Variants in SLIT2 observed in about 807,000 individuals in gnomAD.
The protein encoded by SLIT2 is slit guidance ligand 2.
Under a neutral mutation model 185.7 loss-of-function variants are expected in SLIT2, and 41 were observed. That is an observed-to-expected ratio of 0.22 (90% CI 0.17 to 0.29). SLIT2 has a LOEUF of 0.29. Among genes scored for constraint, SLIT2 ranks in the 10% least tolerant of loss-of-function variants. SLIT2 has a pLI of 1.00. For missense variants in SLIT2, 1,571 were observed against 1,909.0 expected, an observed-to-expected ratio of 0.82 and a Z score of 3.30; for synonymous variants, 693 against 680.2, an observed-to-expected ratio of 1.02 and a Z score of -0.29.
chr4:20,338,826 T>C (rs779362489), intron 4 of SLIT2, among the ~76,000 whole-genome samples: 5 of 152,104 alleles, frequency 3.3e-5, no homozygotes, highest in Non-Finnish European at 7.4e-5. Flanking sequence ...GAGTGGTTCA[T>C]GCCAGGAATC....
intron 8 of SLIT2, among the ~76,000 whole-genome samples, chr4:20,489,564 T>C (rs1287599206): frequency 2.7e-5 from 4 of 149,382 alleles, no homozygotes; most frequent in Non-Finnish European, 5.9e-5. Flanking sequence ...TGGGCAGATC[T>C]CCAGAGGTCA....
chr4:20,422,375 G>A (rs938439188), intron 4 of SLIT2, among the ~76,000 whole-genome samples: 1 of 152,072 alleles, frequency 6.6e-6, no homozygotes, highest in Non-Finnish European at 1.5e-5. Flanking sequence ...ATGTTAAAGT[G>A]AAAATTAGTG....
At chr4:20,413,316 A>G (rs1352675938) in intron 4 of SLIT2, among the ~76,000 whole-genome samples, 1 of 151,792 alleles carries the variant, frequency 6.6e-6, no homozygotes, top group African/African-American at 2.4e-5. Flanking sequence ...ATTTTATTTC[A>G]TTGTGTTAAA....
Position 20,336,056 on chromosome 4 carries a change from G to A in SLIT2, c.395+67175G>A, listed in dbSNP as rs1483022882. 2.0e-5 allele frequency among the ~76,000 whole-genome samples: 3 copies of A among 152,232 alleles called. No individual in the cohort carries two copies. The East Asian group carries it at 5.8e-4, about 29-fold the overall frequency. On this transcript the variant is annotated intron_variant, in intron 4 of 36. Transcript: ENST00000504154. ...AAACCTACCAAGTTATATTCCAGGT[G>A]TGTAGGGTGATACAGTGTAACTTTC...
intron 4 of SLIT2, among the ~76,000 whole-genome samples, chr4:20,349,067 G>A (rs1411094726): frequency 6.6e-6 from 1 of 152,140 alleles, no homozygotes; most frequent in Non-Finnish European, 1.5e-5. Context: ...TTCCCAAAGA[G>A]AAAGTGAAGA....
Position 20,391,235 on chromosome 4 carries a change from G to T in SLIT2, c.396-76517G>T, listed in dbSNP as rs150212521. Among the ~76,000 whole-genome samples the T allele has an allele frequency of 9.9e-4, 150 of 152,128 alleles. 1 individual carries two copies. The highest frequency in any genetic ancestry group is 3.3e-3 in the African/African-American group (139 of 41,530). On this transcript the variant is annotated intron_variant, in intron 4 of 36. Coordinates refer to ENST00000504154, the MANE Select transcript of SLIT2 (RefSeq NM_004787.4). ...TTCTCTGGTGGGTGATAACCTGATAGTTTTTAAAAGTGCATCAGCCACAAT... is the reference window on the plus strand; with the variant it reads ...TTCTCTGGTGGGTGATAACCTGATATTTTTTAAAAGTGCATCAGCCACAAT...
intron 11 of SLIT2, among the ~76,000 whole-genome samples, chr4:20,518,314 G>A (rs1205816205): frequency 1.4e-5 from 2 of 138,288 alleles, no homozygotes; most frequent in Admixed American, 7.5e-5. Flanking sequence ...GTGCAGTGGC[G>A]CGATCTCGGC....
intron 4 of SLIT2, among the ~76,000 whole-genome samples, chr4:20,308,288 A>G (rs1444275922): frequency 1.3e-5 from 2 of 152,196 alleles, no homozygotes; most frequent in Non-Finnish European, 2.9e-5. Flanking sequence ...TGTACATGGT[A>G]AAACGAGTGG....
Position 20,254,081 on chromosome 4 carries a change from T to A in SLIT2, c.179+87T>A. The A allele has an allele frequency of 7.2e-7, 1 of 1,384,120 alleles. No individual in the cohort carries two copies. The highest frequency in any genetic ancestry group is 9.9e-7 in the Non-Finnish European group (1 of 1,008,602). The allele number at this position is 1,384,120 out of a possible 1,614,324, so 85.7% of individuals were successfully genotyped here. A position where few individuals can be genotyped will look rare whatever the true frequency, so the allele number is the denominator to read the frequency against. The stretch of plus-strand genomic sequence containing the variant: ...GGAGGAACCTGTCAGCTCAGGGTCC[T>A]GTGCCTGGGGCAGCCCTCGCTAGCT... On this transcript the variant is annotated intron_variant, in intron 1 of 36. Coordinates refer to ENST00000504154, the MANE Select transcript of SLIT2 (RefSeq NM_004787.4). This position sits in a 1 kb window ranked among gnomAD's most constrained non-coding sequence, Gnocchi z 5.1.
Position 20,451,817 on chromosome 4 carries a change from G to T in SLIT2, c.396-15935G>T, listed in dbSNP as rs554085619. On this transcript the variant is annotated intron_variant, in intron 4 of 36. Transcript: ENST00000504154. ...CTAGGTTTATTCTGGCATCTAAATC[G>T]AGTTTCAAGCAAGTGGAAGGGTTGG... 2.0e-4 allele frequency among the ~76,000 whole-genome samples: 31 copies of T among 152,260 alleles called. 1 individual carries two copies. Among genetic ancestry groups the T allele is most frequent in the African/African-American group, 7.5e-4 (31 of 41,548 alleles).
rs529404698 is a variant in SLIT2 at position 20,439,821 on chromosome 4, T to G, written c.396-27931T>G. The stretch of plus-strand genomic sequence containing the variant: ...TGTATTAAGTGCCTGCTTTGTGCTG[T>G]GAACTCCGTTAAGAACCATAGATAA... On this transcript the variant is annotated intron_variant, in intron 4 of 36. Coordinates refer to ENST00000504154, the MANE Select transcript of SLIT2 (RefSeq NM_004787.4). Among the ~76,000 whole-genome samples, 66 of 152,356 alleles carry G rather than the reference T, an allele frequency of 4.3e-4. No homozygotes were observed. In the South Asian group the frequency reaches 0.013, roughly 31 times the overall value.
At chr4:20,599,980 T>A (rs1306977107) in intron 33 of SLIT2, among the ~76,000 whole-genome samples, 2 of 152,192 alleles carry the variant, frequency 1.3e-5, no homozygotes, top group Non-Finnish European at 2.9e-5. Flanking sequence ...ATTTGGAGCA[T>A]GGAAACAAAC....
chr4:20,349,608 T>C (rs769665927), intron 4 of SLIT2, among the ~76,000 whole-genome samples: 5 of 152,230 alleles, frequency 3.3e-5, no homozygotes, highest in Non-Finnish European at 7.3e-5. Flanking sequence ...TTCAGTATCA[T>C]TGTGTTTCCC....
intron 4 of SLIT2, among the ~76,000 whole-genome samples, chr4:20,416,466 G>A (rs1727697573): frequency 6.6e-6 from 1 of 152,074 alleles, no homozygotes; most frequent in African/African-American, 2.4e-5. Flanking sequence ...CGCTGGAGGT[G>A]AGAACTTCAA....
chr4:20,472,595 T>TCTAG (rs1371453146), intron 5 of SLIT2, among the ~76,000 whole-genome samples: 4 of 18,172 alleles, frequency 2.2e-4, no homozygotes, highest in South Asian at 2.3e-3. Flanking sequence ...TATAGATATA[T>TCTAG]ATCTATAGAT....
intron 29 of SLIT2, among the ~76,000 whole-genome samples, chr4:20,578,566 C>T (rs570206984): frequency 2.0e-5 from 3 of 152,146 alleles, no homozygotes; most frequent in Non-Finnish European, 4.4e-5. Context: ...AGTATCAGCT[C>T]CAGTACCCTC....
At chr4:20,368,850 A>G (rs28581598) in intron 4 of SLIT2, among the ~76,000 whole-genome samples, 15,122 of 152,112 alleles carry the variant, frequency 0.099, 828 homozygotes, top group African/African-American at 0.15. Flanking sequence ...GACAGAAATG[A>G]TATTTCTTCT....
chr4:20,448,056 A>G (rs1162410635), intron 4 of SLIT2, among the ~76,000 whole-genome samples: 1 of 152,230 alleles, frequency 6.6e-6, no homozygotes, highest in Non-Finnish European at 1.5e-5. Context: ...CTACATGGTA[A>G]TACTTGGAGC....
intron 4 of SLIT2, among the ~76,000 whole-genome samples, chr4:20,413,545 G>A (rs946889392): frequency 6.6e-6 from 1 of 151,960 alleles, no homozygotes; most frequent in African/African-American, 2.4e-5. Context: ...TGGCTTTGAA[G>A]TCTCCAACTA....
Sources: gnomAD v4.1 joint callset for allele counts (sites outside exome capture counted in the v4.1 genomes callset) on GRCh38, gnomAD v4.1.1 for gene constraint, Gnocchi (gnomAD v3.1) non-coding constraint, MANE v1.5 for transcripts, NCBI Gene and HGNC (gene_info 2026-07-23, HGNC 2026-07-21) for gene names.